Variants in GXYLT1 observed in about 807,000 individuals in gnomAD.
The protein encoded by GXYLT1 is glucoside xylosyltransferase 1, also known as glycosyltransferase 8 domain containing 3.
A neutral mutation model predicts 54.0 loss-of-function variants in GXYLT1; 29 were observed. The ratio of observed to expected loss-of-function variants is 0.54; its 90% CI spans 0.40 to 0.73. The LOEUF (loss-of-function observed/expected upper bound fraction) is 0.73, where lower values mean the gene tolerates loss of function less well. GXYLT1 is among the 30% of genes least tolerant of loss of function. The pLI is 0.00. For missense variants in GXYLT1, 490 were observed against 553.4 expected, an observed-to-expected ratio of 0.89 and a Z score of 1.15; for synonymous variants, 176 against 204.1, an observed-to-expected ratio of 0.86 and a Z score of 1.17.
At position 42,097,639 on chromosome 12, in the gene GXYLT1, T is replaced by TG. The variant is rs770136959; in HGVS notation, c.989-26dup. On this transcript the variant is annotated intron_variant, in intron 6 of 7. Transcript: ENST00000398675. ...TCTACATAAAGAAAAGACCAAACAATGAAGCAAATACCCCTAATTCCACAG... is the reference window on the plus strand; with the variant it reads ...TCTACATAAAGAAAAGACCAAACAATGGAAGCAAATACCCCTAATTCCACAG... The TG allele has an allele frequency of 1.9e-6, 3 of 1,582,240 alleles. No homozygotes were observed. In the South Asian group the frequency reaches 3.4e-5, roughly 18 times the overall value.
chr12:42,099,928 T>C (rs979300448), intron 5 of GXYLT1, among the ~76,000 whole-genome samples: 1 of 152,218 alleles, frequency 6.6e-6, no homozygotes, highest in Non-Finnish European at 1.5e-5. Flanking sequence ...TGTTTAGCCA[T>C]TAAGCACAAT....
Position 42,081,937 on chromosome 12 carries a change from A to T in GXYLT1, c.*5849T>A, listed in dbSNP as rs1339306494. The T allele has an allele frequency of 6.6e-6, 1 of 152,248 alleles. No individual in the cohort carries two copies. The highest frequency in any genetic ancestry group is 6.5e-5 in the Admixed American group (1 of 15,286). 9.4% of individuals were successfully genotyped at this position (152,248 alleles called of 1,614,324 possible). A position where few individuals can be genotyped will look rare whatever the true frequency, so the allele number is the denominator to read the frequency against. The stretch of plus-strand genomic sequence containing the variant: ...AGAGGATGAACTGAAAACTCCTCTA[A>T]GGCAGGACGAAGCAACTTTCCATTA... On this transcript the variant is annotated 3_prime_UTR_variant, in exon 8 of 8. Transcript: ENST00000398675.
intron 6 of GXYLT1, 50 bp from the exon 7 acceptor site, chr12:42,097,664 G>A (rs374597917): frequency 1.4e-5 from 20 of 1,466,748 alleles, no homozygotes; most frequent in African/African-American, 2.9e-5. Flanking sequence ...TAATTCCACA[G>A]ATGTAACATT....
Position 42,134,600 on chromosome 12 carries a change from C to T in GXYLT1, c.222-4749G>A, listed in dbSNP as rs77002574. 5.6e-3 allele frequency among the ~76,000 whole-genome samples: 850 copies of T among 152,312 alleles called. 6 individuals carry two copies. The highest frequency in any genetic ancestry group is 0.019 in the African/African-American group (809 of 41,578). On this transcript the variant is annotated intron_variant, in intron 1 of 7. Coordinates refer to ENST00000398675, the MANE Select transcript of GXYLT1 (RefSeq NM_173601.2). ...ATGCTTCCTAAGTATAAGCTCCCTG[C>T]TTTACCCATTTCCCTCCCTACTCAG...
chr12:42,104,363 A>G (rs528219735), intron 5 of GXYLT1, among the ~76,000 whole-genome samples: 1 of 152,130 alleles, frequency 6.6e-6, no homozygotes, highest in Non-Finnish European at 1.5e-5. Context: ...TAGTTTTACT[A>G]TATTTAGTAA....
At chr12:42,114,558 C>A (rs2065480804) in intron 3 of GXYLT1, among the ~76,000 whole-genome samples, 3 of 152,156 alleles carry the variant, frequency 2.0e-5, no homozygotes, top group African/African-American at 4.8e-5. Context: ...TCGACACATA[C>A]ATCCTCCCAA....
chr12:42,143,741 G>C (rs1444211425), intron 1 of GXYLT1, among the ~76,000 whole-genome samples: 1 of 152,134 alleles, frequency 6.6e-6, no homozygotes. Context: ...TACGTCCTAA[G>C]TCATTACGTC....
At position 42,141,798 on chromosome 12, in the gene GXYLT1, G is replaced by A. The variant is rs114416466; in HGVS notation, c.221+2628C>T. Among the ~76,000 whole-genome samples, 700 of 152,222 alleles carry A rather than the reference G, an allele frequency of 4.6e-3. 7 individuals carry two copies. The highest frequency in any genetic ancestry group is 0.015 in the African/African-American group (639 of 41,534). On this transcript the variant is annotated intron_variant, in intron 1 of 7. Coordinates refer to ENST00000398675, the MANE Select transcript of GXYLT1 (RefSeq NM_173601.2). Reference sequence around the variant, plus strand: ...ACCAGAGCCAGAATACTGAGAACACGGGTTTATCTGACTACAAGACCCATG... The same window carrying A: ...ACCAGAGCCAGAATACTGAGAACACAGGTTTATCTGACTACAAGACCCATG...
chr12:42,113,652 A>G (rs1274970358), intron 3 of GXYLT1, among the ~76,000 whole-genome samples: 1 of 150,922 alleles, frequency 6.6e-6, no homozygotes, highest in African/African-American at 2.5e-5. Flanking sequence ...GTGACCTACA[A>G]AGAGACTTAG....
chr12:42,128,916 T>C (rs1222943831), intron 2 of GXYLT1, among the ~76,000 whole-genome samples: 1 of 152,090 alleles, frequency 6.6e-6, no homozygotes, highest in Non-Finnish European at 1.5e-5. Context: ...GCTCAAGCAA[T>C]ACTCCCGCCT....
rs576595827 is a variant in GXYLT1 at position 42,129,772 on chromosome 12, C to T, written c.301G>A (p.Glu101Lys). The change falls in exon 2 of 8, where the codon GAA (glutamate) becomes AAA (lysine). Residue 101 changes from glutamate (E) to lysine (K), a missense_variant. By Grantham distance (56) the Glu-to-Lys change is moderately conservative (BLOSUM62 1). Transcript: ENST00000398675. ...TTAAGTGCCTACCTAAAAGCCGCTT[C>T]CCAAAAGCAGTTCATTCCACAAACA... ...SDVCGMNCFW[E>K]AAFRYSLKIQ... is the part of the protein sequence containing the mutation. 15 of 1,613,086 alleles carry T rather than the reference C, an allele frequency of 9.3e-6. No homozygotes were observed. The South Asian group carries it at 1.5e-4, about 17-fold the overall frequency.
At chr12:42,119,257 A>C (rs2065516394) in intron 2 of GXYLT1, 86 bp from the exon 3 acceptor site, 5 of 1,134,218 alleles carry the variant, frequency 4.4e-6, no homozygotes, top group South Asian at 1.4e-5. Context: ...AGTGAAGCTC[A>C]AAGCCAGATG....
At chr12:42,142,044 T>C (rs185757829) in intron 1 of GXYLT1, among the ~76,000 whole-genome samples, 67 of 152,214 alleles carry the variant, frequency 4.4e-4, no homozygotes, top group Admixed American at 5.9e-4. Context: ...AAGAGAGAAA[T>C]AGTTATAATC....
intron 1 of GXYLT1, among the ~76,000 whole-genome samples, chr12:42,140,915 T>G (rs1327369503): frequency 6.6e-6 from 1 of 152,210 alleles, no homozygotes; most frequent in Non-Finnish European, 1.5e-5. Flanking sequence ...GTAACTAAAA[T>G]GCAACAAAGT....
intron 5 of GXYLT1, among the ~76,000 whole-genome samples, chr12:42,102,723 AG>A (rs1248042135): frequency 6.6e-6 from 1 of 152,204 alleles, no homozygotes; most frequent in Non-Finnish European, 1.5e-5. Context: ...TAAGAAATAC[AG>A]TAATACATTT....
intron 3 of GXYLT1, among the ~76,000 whole-genome samples, chr12:42,114,033 G>C (rs1388509047): frequency 6.6e-6 from 1 of 152,184 alleles, no homozygotes; most frequent in African/African-American, 2.4e-5. Context: ...ATGACTACTA[G>C]GTAAATAATG....
intron 2 of GXYLT1, among the ~76,000 whole-genome samples, chr12:42,129,322 C>G (rs1183873864): frequency 6.6e-6 from 1 of 152,176 alleles, no homozygotes; most frequent in East Asian, 1.9e-4. Flanking sequence ...TATCTTTATC[C>G]TCCTATTCCC....
In GXYLT1 at chr12:42,086,385, A is replaced by G. The variant is rs1313255445; in HGVS notation, c.*1401T>C. ...CTTTCTGCATATTCCATGTCTCCACAGAGGTCACTGTGTCTTCACAAAGCT... is the reference window on the plus strand; with the variant it reads ...CTTTCTGCATATTCCATGTCTCCACGGAGGTCACTGTGTCTTCACAAAGCT... On this transcript the variant is annotated 3_prime_UTR_variant, in exon 8 of 8. Transcript: ENST00000398675. 6.6e-6 allele frequency: 1 copy of G among 152,272 alleles called. No individual in the cohort carries two copies. Among genetic ancestry groups the G allele is most frequent in the Non-Finnish European group, 1.5e-5 (1 of 68,050 alleles). The allele number at this position is 152,272 out of a possible 1,614,324, so 9.4% of individuals were successfully genotyped here.
At chr12:42,088,298 C>T (rs908381223) in intron 7 of GXYLT1, among the ~76,000 whole-genome samples, 1 of 151,808 alleles carries the variant, frequency 6.6e-6, no homozygotes, top group Non-Finnish European at 1.5e-5. Context: ...ACCACACCCG[C>T]GTCCCACCTT....
Sources: allele counts gnomAD v4.1 joint callset (sites outside exome capture counted in the v4.1 genomes callset), GRCh38; gene constraint gnomAD v4.1.1; transcripts MANE v1.5; gene names NCBI Gene and HGNC (gene_info 2026-07-23, HGNC 2026-07-21).